Variants in YWHAE observed in about 807,000 individuals in gnomAD.
YWHAE encodes 14-3-3 protein epsilon.
YWHAE carries 4 observed loss-of-function variants against 30.1 expected under a neutral mutation model. That is an observed-to-expected ratio of 0.13 (90% CI 0.07 to 0.30). The LOEUF (loss-of-function observed/expected upper bound fraction) is 0.30, where lower values mean the gene tolerates loss of function less well. Among genes scored for constraint, YWHAE ranks in the 10% least tolerant of loss-of-function variants. The pLI, the probability that YWHAE is intolerant of heterozygous loss-of-function variation, is 1.00. For missense variants in YWHAE, 121 were observed against 315.9 expected, an observed-to-expected ratio of 0.38 and a Z score of 4.68; for synonymous variants, 118 against 111.8, an observed-to-expected ratio of 1.06 and a Z score of -0.35.
intron 1 of YWHAE, among the ~76,000 whole-genome samples, chr17:1,387,691 G>T (rs374425338): frequency 6.6e-6 from 1 of 151,986 alleles, no homozygotes; most frequent in Admixed American, 6.6e-5. Flanking sequence ...CCACAATCTC[G>T]GCATTCTGCA....
intron 2 of YWHAE, 124 bp downstream of exon 2, chr17:1,364,735 A>G: frequency 1.7e-6 from 2 of 1,201,756 alleles, no homozygotes; most frequent in Non-Finnish European, 2.4e-6. Context: ...TATCAGAAAC[A>G]TTATAACATA....
chr17:1,375,260 C>A (rs2073105126), intron 1 of YWHAE, among the ~76,000 whole-genome samples: 1 of 152,038 alleles, frequency 6.6e-6, no homozygotes. Context: ...GATAATGTAC[C>A]CCAAAACTAT....
intron 1 of YWHAE, among the ~76,000 whole-genome samples, chr17:1,396,109 G>A (rs1457238942): frequency 1.6e-4 from 24 of 151,612 alleles, no homozygotes. Flanking sequence ...ACAAGAGCAA[G>A]ACTCCGTCTC....
chr17:1,369,070 C>G (rs927834287), intron 1 of YWHAE, among the ~76,000 whole-genome samples: 3 of 152,182 alleles, frequency 2.0e-5, no homozygotes, highest in Admixed American at 2.0e-4. Context: ...GTTCCAGATT[C>G]AAGCATAAAT....
In YWHAE at chr17:1,370,119, C is replaced by CTTTT. The variant is rs538497835; in HGVS notation, c.65-5065_65-5062dup. Among the ~76,000 whole-genome samples the CTTTT allele has an allele frequency of 5.4e-4, 41 of 76,346 alleles. 2 individuals are homozygous for CTTTT. Among genetic ancestry groups the CTTTT allele is most frequent in the African/African-American group, 1.2e-3 (24 of 19,600 alleles). The allele number at this position is 76,346 out of a possible 152,430, so 50.1% of individuals were successfully genotyped here. Reference sequence around the variant, plus strand: ...TGGACAGCATTTACCCACAGAAAAACTTTTTTTTTTTTTTTTTTTTTTTTT... The same window carrying CTTTT: ...TGGACAGCATTTACCCACAGAAAAACTTTTTTTTTTTTTTTTTTTTTTTTTTTTT... On this transcript the variant is annotated intron_variant, in intron 1 of 5. Coordinates refer to ENST00000264335, the MANE Select transcript of YWHAE (RefSeq NM_006761.5).
intron 5 of YWHAE, among the ~76,000 whole-genome samples, chr17:1,350,333 T>C (rs772209790): frequency 6.6e-6 from 1 of 152,222 alleles, no homozygotes; most frequent in African/African-American, 2.4e-5. Context: ...GTTCTGTACA[T>C]AGACTGACAG....
intron 4 of YWHAE, among the ~76,000 whole-genome samples, chr17:1,356,468 A>G (rs1375330781): frequency 6.6e-6 from 1 of 152,252 alleles, no homozygotes; most frequent in Non-Finnish European, 1.5e-5. Context: ...CTCAATGGAT[A>G]AGGAGAAAAC....
rs561189556 is a variant in YWHAE at position 1,359,308 on chromosome 17, G to A, written c.578+1784C>T. ...GCAGAGACAGAACAAGATCCTGTCC[G>A]GAAAAAAAAGTTACCCACAGAATTT... On this transcript the variant is annotated intron_variant, in intron 4 of 5. Coordinates refer to ENST00000264335, the MANE Select transcript of YWHAE (RefSeq NM_006761.5). Among the ~76,000 whole-genome samples, 24 of 152,010 alleles carry A rather than the reference G, an allele frequency of 1.6e-4. No homozygotes were observed. In the East Asian group the frequency reaches 3.1e-3, roughly 20 times the overall value.
chr17:1,379,102 C>A (rs2073167414), intron 1 of YWHAE, among the ~76,000 whole-genome samples: 1 of 152,150 alleles, frequency 6.6e-6, no homozygotes, highest in Non-Finnish European at 1.5e-5. Context: ...CTGCTTGAAG[C>A]CTGCTTAAAG....
At chr17:1,356,210 ACACAC>A (rs1254529231) in intron 4 of YWHAE, among the ~76,000 whole-genome samples, 1 of 115,580 alleles carries the variant, frequency 8.7e-6, no homozygotes, top group African/African-American at 3.7e-5. Context: ...ACACACACAC[ACACAC>A]AAAATTAGCC....
At chr17:1,388,927 C>A (rs1332160272) in intron 1 of YWHAE, among the ~76,000 whole-genome samples, 1 of 152,096 alleles carries the variant, frequency 6.6e-6, no homozygotes, top group Non-Finnish European at 1.5e-5. Flanking sequence ...TACAAGTAAA[C>A]CTATTACAAT....
chr17:1,377,189 C>A (rs1279079781), intron 1 of YWHAE, among the ~76,000 whole-genome samples: 1 of 152,106 alleles, frequency 6.6e-6, no homozygotes, highest in Non-Finnish European at 1.5e-5. Flanking sequence ...GGTGGGATTA[C>A]AGGCAGGGGT....
chr17:1,378,949 C>CAAA, intron 1 of YWHAE, among the ~76,000 whole-genome samples: 1 of 95,052 alleles, frequency 1.1e-5, no homozygotes. Flanking sequence ...AACTCTGTCT[C>CAAA]AAAAAAAAAA....
rs536045967 is a variant in YWHAE at position 1,350,429 on chromosome 17, A to G, written c.715+3782T>C. On this transcript the variant is annotated intron_variant, in intron 5 of 5. Coordinates refer to ENST00000264335, the MANE Select transcript of YWHAE (RefSeq NM_006761.5). ...CAGACTTGGTTATGAGTTGGTATCA[A>G]ATGTGTTTTCTTGTTTTGTTTCGTT... Among the ~76,000 whole-genome samples, 3 of 151,642 alleles carry G rather than the reference A, an allele frequency of 2.0e-5. No individual in the cohort carries two copies. The South Asian group carries it at 6.3e-4, about 32-fold the overall frequency.
intron 1 of YWHAE, among the ~76,000 whole-genome samples, chr17:1,376,605 G>C (rs2073128698): frequency 6.6e-6 from 1 of 152,202 alleles, no homozygotes; most frequent in Admixed American, 6.5e-5. Context: ...AATACAAAAA[G>C]CTTAGTTTCA....
At chr17:1,355,218 G>C (rs1238916638) in intron 4 of YWHAE, among the ~76,000 whole-genome samples, 1 of 140,378 alleles carries the variant, frequency 7.1e-6, no homozygotes, top group Admixed American at 7.3e-5. Context: ...GTGCAGTGGC[G>C]GGATGTAGGC....
intron 1 of YWHAE, among the ~76,000 whole-genome samples, chr17:1,392,791 AGTG>A (rs1185934175): frequency 6.6e-6 from 1 of 152,036 alleles, no homozygotes; most frequent in Non-Finnish European, 1.5e-5. Context: ...CGGAGGCTGC[AGTG>A]AGCCAAGATC....
chr17:1,390,700 C>T (rs182655489), intron 1 of YWHAE, among the ~76,000 whole-genome samples: 2 of 152,192 alleles, frequency 1.3e-5, no homozygotes, highest in African/African-American at 4.8e-5. Flanking sequence ...ATAACTCTTA[C>T]AGTAATGCAT....
At chr17:1,383,640 G>A (rs1598264287) in intron 1 of YWHAE, among the ~76,000 whole-genome samples, 2 of 151,602 alleles carry the variant, frequency 1.3e-5, no homozygotes, top group South Asian at 2.1e-4. Context: ...CACCCGCCTC[G>A]GCCTCCCAAA....
Sources: allele counts gnomAD v4.1 joint callset (sites outside exome capture counted in the v4.1 genomes callset), GRCh38; gene constraint gnomAD v4.1.1; transcripts MANE v1.5; gene names NCBI Gene and HGNC (gene_info 2026-07-23, HGNC 2026-07-21).